Variants in GRIP2 observed in about 807,000 individuals in gnomAD.
The protein encoded by GRIP2 is glutamate receptor-interacting protein 2.
In GRIP2, 58 loss-of-function variants were observed where a neutral mutation model predicts 108.3. That is an observed-to-expected ratio of 0.54 (90% CI 0.43 to 0.67). The LOEUF (loss-of-function observed/expected upper bound fraction) is 0.67, where lower values mean the gene tolerates loss of function less well. GRIP2 is among the 30% of genes least tolerant of loss of function. The pLI, the probability that GRIP2 is intolerant of heterozygous loss-of-function variation, is 0.00. For synonymous variants in GRIP2, 586 were observed against 598.2 expected (o/e 0.98, Z 0.30); for missense variants, 1,278 against 1,430.6 (o/e 0.89, Z 1.72).
At chr3:14,589,489 C>A in the GRIP2 span, among the ~76,000 whole-genome samples, 2 of 152,034 alleles carry the variant, frequency 1.3e-5, no homozygotes, top group Non-Finnish European at 2.9e-5. Flanking sequence ...TTTTTTTTAC[C>A]TGAACAATGT....
chr3:14,495,096 C>T lies in GRIP2; in HGVS notation c.2824-107G>A, dbSNP rs1693550119. 3 of 1,431,612 alleles carry T rather than the reference C, an allele frequency of 2.1e-6. No individual in the cohort carries two copies. In the East Asian group the frequency reaches 6.9e-5, roughly 33 times the overall value. The allele number at this position is 1,431,612 out of a possible 1,614,324, so 88.7% of individuals were successfully genotyped here. On this transcript the variant is annotated intron_variant, in intron 22 of 23. Coordinates refer to ENST00000621039, the MANE Select transcript of GRIP2 (RefSeq NM_001080423.4). ...GGCATTCAGCGCCTCTGGCCAGCCA[C>T]ACCCCCCAGGCTGCAGCACCCCAGC...
At chr3:14,561,947 G>A in the GRIP2 span, among the ~76,000 whole-genome samples, 1 of 152,208 alleles carries the variant, frequency 6.6e-6, no homozygotes, top group Non-Finnish European at 1.5e-5. Context: ...TCTTTATTCA[G>A]CACTGTCTGT....
At chr3:14,577,949 C>T in the GRIP2 span, among the ~76,000 whole-genome samples, 1 of 152,232 alleles carries the variant, frequency 6.6e-6, no homozygotes, top group African/African-American at 2.4e-5. Flanking sequence ...CTCATCCTCG[C>T]CCAGGGCCTG....
In GRIP2 at chr3:14,521,650, G is replaced by T; in HGVS notation, c.704C>A (p.Ala235Asp). The T allele has an allele frequency of 1.2e-6, 2 of 1,608,942 alleles. No individual in the cohort carries two copies. The highest frequency in any genetic ancestry group is 4.5e-5 in the East Asian group (2 of 44,668). ...TCAGGCCCCCAACTCACCAGGGGTG[G>T]CCACATCATACTCCACCTGAAAGAG... Reference protein sequence around the residue: ...EALFQVEYDVATPDTVANASG... With the variant: ...EALFQVEYDVDTPDTVANASG... Residue 235 changes from alanine (A) to aspartate (D), a missense_variant, in exon 7 of 24, where the codon GCC becomes GAC. Ala to Asp is a moderately radical substitution (Grantham distance 126). Transcript: ENST00000621039. The surrounding 1 kb of genome is among the most constrained non-coding windows in gnomAD (Gnocchi z 5.1).
intron 1 of GRIP2, among the ~76,000 whole-genome samples, chr3:14,529,976 G>A (rs904446617): frequency 3.9e-5 from 6 of 152,172 alleles, no homozygotes; most frequent in African/African-American, 1.4e-4. Flanking sequence ...ACACTCATTA[G>A]AATTTATAAT....
At chr3:14,558,820 C>T (rs17039783), upstream of GRIP2, among the ~76,000 whole-genome samples, 2,216 of 152,308 alleles carry the variant, frequency 0.015, 65 homozygotes, top group African/African-American at 0.051. Context: ...AAACTGACTA[C>T]GGAGCCCAGC....
At chr3:14,553,755 A>G (rs1331908251) in intron 1 of GRIP2, among the ~76,000 whole-genome samples, 1 of 152,214 alleles carries the variant, frequency 6.6e-6, no homozygotes, top group African/African-American at 2.4e-5. Flanking sequence ...TTGAAGAAGA[A>G]GACAGAAGAA....
chr3:14,571,977 A>T, the GRIP2 span, among the ~76,000 whole-genome samples: 1 of 152,222 alleles, frequency 6.6e-6, no homozygotes, highest in Admixed American at 6.5e-5. Context: ...TGGTACAGCG[A>T]CTTTGGAAAG....
At chr3:14,535,240 G>C (rs1694807883) in intron 1 of GRIP2, among the ~76,000 whole-genome samples, 1 of 152,216 alleles carries the variant, frequency 6.6e-6, no homozygotes, top group Middle Eastern at 3.2e-3. Context: ...GGAAGGGAGG[G>C]ATAGGCTTTG....
intron 4 of GRIP2, 111 bp downstream of exon 4, chr3:14,524,282 T>G: frequency 3.1e-6 from 4 of 1,292,086 alleles, no homozygotes; most frequent in Non-Finnish European, 4.2e-6. Context: ...GTCTCCAGGT[T>G]CTACCCACTC....
At chr3:14,555,432 C>G (rs1243516738) in intron 1 of GRIP2, among the ~76,000 whole-genome samples, 1 of 151,928 alleles carries the variant, frequency 6.6e-6, no homozygotes, top group East Asian at 1.9e-4. Context: ...CCAGAGAGAC[C>G]CAGGGAGAGA....
the GRIP2 span, among the ~76,000 whole-genome samples, chr3:14,562,817 G>T: frequency 1.3e-5 from 2 of 152,192 alleles, no homozygotes; most frequent in African/African-American, 4.8e-5. Context: ...GCGCCAGATG[G>T]GATGTGGAAG....
the GRIP2 span, among the ~76,000 whole-genome samples, chr3:14,596,785 G>C: frequency 1.3e-5 from 2 of 151,292 alleles, no homozygotes; most frequent in Non-Finnish European, 2.9e-5. Flanking sequence ...TTTTTTTTAA[G>C]GCTGGAGCGC....
At chr3:14,590,385 C>A in the GRIP2 span, among the ~76,000 whole-genome samples, 11 of 152,146 alleles carry the variant, frequency 7.2e-5, no homozygotes, top group East Asian at 7.7e-4. Context: ...TGTCTTTGAA[C>A]CTTCTGAATG....
At chr3:14,575,768 G>T in the GRIP2 span, among the ~76,000 whole-genome samples, 1 of 152,240 alleles carries the variant, frequency 6.6e-6, no homozygotes, top group African/African-American at 2.4e-5. Context: ...CATCTTCTGG[G>T]GCATCTGCTG....
chr3:14,505,807 G>T lies in GRIP2; in HGVS notation c.2399-18C>A. 8 of 1,501,396 alleles carry T rather than the reference G, an allele frequency of 5.3e-6. No homozygotes were observed. The highest frequency in any genetic ancestry group is 7.1e-6 in the Non-Finnish European group (8 of 1,125,980). The allele number at this position is 1,501,396 out of a possible 1,614,324, so 93.0% of individuals were successfully genotyped here. On this transcript the variant is annotated intron_variant, in intron 19 of 23. Coordinates refer to ENST00000621039, the MANE Select transcript of GRIP2 (RefSeq NM_001080423.4). The surrounding 1 kb of genome is among the most constrained non-coding windows in gnomAD (Gnocchi z 4.2). The stretch of plus-strand genomic sequence containing the variant: ...ATAGGACCCTGGTGGTGGAGAGAGG[G>T]CCTCTGTGTTCCCTGCGGCCTCACC...
intron 1 of GRIP2, among the ~76,000 whole-genome samples, chr3:14,538,285 G>A (rs1488010636): frequency 6.6e-6 from 1 of 152,186 alleles, no homozygotes; most frequent in African/African-American, 2.4e-5. Flanking sequence ...ACCAGGCCTG[G>A]CCAATCAGAG....
At chr3:14,580,759 C>T in the GRIP2 span, among the ~76,000 whole-genome samples, 16 of 152,100 alleles carry the variant, frequency 1.1e-4, no homozygotes, top group African/African-American at 3.9e-4. Context: ...CTTTAGTGCC[C>T]AGTTGTTTGG....
upstream of GRIP2, among the ~76,000 whole-genome samples, chr3:14,545,834 A>G (rs1695049427): frequency 6.6e-6 from 1 of 152,218 alleles, no homozygotes; most frequent in Non-Finnish European, 1.5e-5. Context: ...ATATTTACTA[A>G]GCACCTACTA....
Sources: gnomAD v4.1 joint callset for allele counts (sites outside exome capture counted in the v4.1 genomes callset) on GRCh38, gnomAD v4.1.1 for gene constraint, Gnocchi (gnomAD v3.1) non-coding constraint, MANE v1.5 for transcripts, NCBI Gene and HGNC (gene_info 2026-07-23, HGNC 2026-07-21) for gene names.